CEP162: variants seen among roughly 807,000 people sequenced by gnomAD.
CEP162 encodes centrosomal protein of 162 kDa.
A neutral mutation model predicts 169.2 loss-of-function variants in CEP162; 141 were observed. The ratio of observed to expected loss-of-function variants is 0.83; its 90% CI spans 0.73 to 0.96. CEP162 has a LOEUF of 0.96. CEP162 is among the 40% of genes least tolerant of loss of function. CEP162 has a pLI of 0.00. For missense variants in CEP162, 1,600 were observed against 1,587.2 expected, an observed-to-expected ratio of 1.01 and a Z score of -0.14; for synonymous variants, 540 against 526.4, an observed-to-expected ratio of 1.03 and a Z score of -0.35.
At chr6:84,160,787 A>G in intron 21 of CEP162, 25 bp downstream of exon 21, 1 of 1,417,152 alleles carries the variant, frequency 7.1e-7, no homozygotes. Context: ...AAATATGCTC[A>G]TGAAAATTTA....
At position 84,143,625 on chromosome 6, in the gene CEP162, GGAGA is replaced by G. The variant is rs528004857; in HGVS notation, c.3870+3058_3870+3061del. Among the ~76,000 whole-genome samples the G allele has an allele frequency of 3.7e-3, 560 of 152,012 alleles. 6 individuals carry two copies. Among genetic ancestry groups the G allele is most frequent in the Non-Finnish European group, 6.5e-3 (438 of 67,836 alleles). ...TGAATGAATGTAGAAGCTTGCAGAA[GGAGA>G]GAGAAAGAGAAAGTGAGAATGCACG... On this transcript the variant is annotated intron_variant, in intron 25 of 26. Coordinates refer to ENST00000403245, the MANE Select transcript of CEP162 (RefSeq NM_014895.4).
intron 18 of CEP162, among the ~76,000 whole-genome samples, chr6:84,167,092 T>C (rs980308082): frequency 2.6e-5 from 4 of 152,238 alleles, no homozygotes; most frequent in Admixed American, 6.6e-5. Flanking sequence ...GTGGGACTTA[T>C]TGTGCTTCCT....
At position 84,197,426 on chromosome 6, in the gene CEP162, G is replaced by A. The variant is rs919861521; in HGVS notation, c.836-2351C>T. Among the ~76,000 whole-genome samples the A allele has an allele frequency of 4.6e-5, 7 of 152,150 alleles. No individual in the cohort carries two copies. The East Asian group carries it at 1.4e-3, about 29-fold the overall frequency. Reference sequence around the variant, plus strand: ...TTTTCCATGCATATCATGAAAAGGGGTTCCTTATCTGCCTTTTACATTGAA... The same window carrying A: ...TTTTCCATGCATATCATGAAAAGGGATTCCTTATCTGCCTTTTACATTGAA... On this transcript the variant is annotated intron_variant, in intron 9 of 26. Transcript: ENST00000403245.
chr6:84,154,866 G>A (rs1397682365), intron 22 of CEP162, among the ~76,000 whole-genome samples: 1 of 152,054 alleles, frequency 6.6e-6, no homozygotes, highest in Non-Finnish European at 1.5e-5. Context: ...CAGAAAGTAA[G>A]ACATTTCTGG....
intron 5 of CEP162, among the ~76,000 whole-genome samples, chr6:84,213,268 A>C (rs1294139115): frequency 2.0e-5 from 3 of 152,194 alleles, no homozygotes; most frequent in Admixed American, 6.5e-5. Context: ...CCTATTTCTT[A>C]AATATACACA....
intron 25 of CEP162, 144 bp downstream of exon 25, chr6:84,146,543 A>G (rs1201718994): frequency 8.7e-6 from 4 of 461,578 alleles, no homozygotes; most frequent in Admixed American, 3.9e-5. Flanking sequence ...CAGATTTTAC[A>G]TAAGCACGCT....
chr6:84,216,026 T>C (rs1263080568), intron 3 of CEP162, 104 bp from the exon 4 acceptor site: 2 of 1,345,684 alleles, frequency 1.5e-6, no homozygotes, highest in Non-Finnish European at 1.9e-6. Context: ...GCACAGTAGC[T>C]ATAAAATAAA....
At chr6:84,126,314 A>C in intron 26 of CEP162, 64 bp downstream of exon 26, 1 of 1,242,760 alleles carries the variant, frequency 8.0e-7, no homozygotes, top group South Asian at 2.1e-5. Context: ...TGACAAAACT[A>C]TAGCAAATTA....
Position 84,186,379 on chromosome 6 carries a change from T to C in CEP162, c.1354A>G (p.Ile452Val). 1 of 1,501,812 alleles carries C rather than the reference T, an allele frequency of 6.7e-7. No individual in the cohort carries two copies. Among genetic ancestry groups the C allele is most frequent in the Non-Finnish European group, 9.3e-7 (1 of 1,078,434 alleles). The allele number at this position is 1,501,812 out of a possible 1,614,324, so 93.0% of individuals were successfully genotyped here. Residue 452 changes from isoleucine (I) to valine (V), a missense_variant, in exon 12 of 27, where the codon ATA (isoleucine) becomes GTA (valine). Physicochemically the swap from Ile to Val is conservative, Grantham distance 29. Transcript: ENST00000403245. Reference sequence around the variant, plus strand: ...GATAATGATGAAGAATTAACAGTTATTTTTTTCCTCAAAATATTAAGGTAC... The same window carrying C: ...GATAATGATGAAGAATTAACAGTTACTTTTTTCCTCAAAATATTAAGGTAC... ...KMYLNILRKK[I>V]TVNSSSLSQD...
At chr6:84,129,932 G>A (rs1219101459) in intron 25 of CEP162, among the ~76,000 whole-genome samples, 2 of 152,130 alleles carry the variant, frequency 1.3e-5, no homozygotes, top group East Asian at 3.9e-4. Flanking sequence ...GGGCATCCTT[G>A]TCCTGTGCTG....
At chr6:84,218,809 G>A (rs2099552542) in intron 3 of CEP162, among the ~76,000 whole-genome samples, 1 of 152,148 alleles carries the variant, frequency 6.6e-6, no homozygotes, top group Non-Finnish European at 1.5e-5. Context: ...GAGATTCATA[G>A]ATGCTTCAAA....
At chr6:84,176,977 C>T (rs779266970) in intron 13 of CEP162, among the ~76,000 whole-genome samples, 4 of 151,838 alleles carry the variant, frequency 2.6e-5, no homozygotes, top group Non-Finnish European at 5.9e-5. Flanking sequence ...TTATTTAACA[C>T]AATATATCCA....
chr6:84,143,761 T>G (rs1407545273), intron 25 of CEP162, among the ~76,000 whole-genome samples: 1 of 152,014 alleles, frequency 6.6e-6, no homozygotes, highest in African/African-American at 2.4e-5. Context: ...GAAACTGGTT[T>G]TCTCTCTTAA....
intron 7 of CEP162, 28 bp downstream of exon 7, chr6:84,203,953 C>A (rs1481186934): frequency 6.9e-7 from 1 of 1,454,272 alleles, no homozygotes; most frequent in South Asian, 1.3e-5. Context: ...AGTTGCAAAA[C>A]TGTCAAATAT....
intron 19 of CEP162, 98 bp from the exon 20 acceptor site, chr6:84,162,007 A>C: frequency 1.4e-6 from 1 of 722,938 alleles, no homozygotes; most frequent in Non-Finnish European, 2.2e-6. Flanking sequence ...TGCCCATCTA[A>C]TGACAGCATT....
At chr6:84,167,751 C>A (rs1448740992) in intron 18 of CEP162, among the ~76,000 whole-genome samples, 2 of 152,178 alleles carry the variant, frequency 1.3e-5, no homozygotes, top group Non-Finnish European at 2.9e-5. Flanking sequence ...GTACCATTTA[C>A]ATTGAACAAC....
rs538543853 is a variant in CEP162, at chr6:84,124,770, G to A, written c.*300C>T. On this transcript the variant is annotated 3_prime_UTR_variant, in exon 27 of 27. Transcript: ENST00000403245. ...CTCACATTATCAATAAAAATGTGGC[G>A]GAGTATGTTCAATTTTCTTTTCTTT... The A allele has an allele frequency of 2.0e-4, 67 of 337,394 alleles. No homozygotes were observed. The highest frequency in any genetic ancestry group is 3.0e-4 in the South Asian group (8 of 26,506). The allele number at this position is 337,394 out of a possible 1,614,324, so 20.9% of individuals were successfully genotyped here. A position where few individuals can be genotyped will look rare whatever the true frequency, so the allele number is the denominator to read the frequency against.
chr6:84,131,305 G>A (rs1456828309), intron 25 of CEP162, among the ~76,000 whole-genome samples: 1 of 151,856 alleles, frequency 6.6e-6, no homozygotes, highest in Non-Finnish European at 1.5e-5. Context: ...TAAGTGTGAT[G>A]TGCTGAGAAG....
rs750026271 is a variant in CEP162 at position 84,155,585 on chromosome 6, T to C, written c.2782-75A>G. The stretch of plus-strand genomic sequence containing the variant: ...TTCAGTAAAGTTTCAGGATACAATC[T>C]ACAGAAATCTCTGTATACAGTAGCA... On this transcript the variant is annotated intron_variant, in intron 21 of 26. Transcript: ENST00000403245. 3.6e-5 allele frequency: 36 copies of C among 1,009,160 alleles called. 1 individual carries two copies. The highest frequency in any genetic ancestry group is 6.9e-5 in the Admixed American group (3 of 43,518). 62.5% of individuals were successfully genotyped at this position (1,009,160 alleles called of 1,614,324 possible).
Sources: allele counts gnomAD v4.1 joint callset (sites outside exome capture counted in the v4.1 genomes callset), GRCh38; gene constraint gnomAD v4.1.1; transcripts MANE v1.5; gene names NCBI Gene and HGNC (gene_info 2026-07-23, HGNC 2026-07-21).